The following CHRDL1 variants were observed in gnomAD, a reference collection of about 807,000 sequenced individuals.
CHRDL1 encodes chordin like 1, also known as chordin-like protein 1.
A neutral mutation model predicts 40.9 loss-of-function variants in CHRDL1; 19 were observed. The ratio of observed to expected loss-of-function variants is 0.46; its 90% CI spans 0.32 to 0.68. The LOEUF (loss-of-function observed/expected upper bound fraction) is 0.68, where lower values mean the gene tolerates loss of function less well. CHRDL1 is among the 30% of genes least tolerant of loss of function. The pLI is 0.03. For missense variants in CHRDL1, 329 were observed against 352.1 expected (o/e 0.93, Z 0.53); for synonymous variants, 136 against 123.4 (o/e 1.10, Z -0.68).
At chrX:110,704,996 A>AT (rs1401908896) in intron 6 of CHRDL1, among the ~76,000 whole-genome samples, 1 of 110,388 alleles carries the variant, frequency 9.1e-6, no homozygotes, top group Non-Finnish European at 1.9e-5. Context: ...AGTTTATTTA[A>AT]TTTATACCCT....
At chrX:110,730,056 C>T (rs779548693) in intron 4 of CHRDL1, among the ~76,000 whole-genome samples, 12 of 111,829 alleles carry the variant, frequency 1.1e-4, no homozygotes, top group African/African-American at 3.6e-4. Flanking sequence ...TTACAGTGGC[C>T]ATCCTCTTAC....
intron 5 of CHRDL1, among the ~76,000 whole-genome samples, chrX:110,720,901 T>G (rs1383594259): frequency 2.7e-5 from 3 of 111,933 alleles, no homozygotes; most frequent in Non-Finnish European, 5.6e-5. Flanking sequence ...ACCAAGCATT[T>G]ATAGAGAGTT....
rs188480028 is a variant in CHRDL1, at chrX:110,708,523, G to T, written c.542-7802C>A. Among the ~76,000 whole-genome samples the T allele has an allele frequency of 1.8e-4, 20 of 111,458 alleles. No individual in the cohort carries two copies. In the East Asian group the frequency reaches 5.6e-3, roughly 31 times the overall value. ...TCTTTGTCAAATGAAGTACTTTATT[G>T]TTTGGGCTGTCAATATAAGATCTTA... On this transcript the variant is annotated intron_variant, in intron 6 of 11. Coordinates refer to ENST00000372042, the MANE Select transcript of CHRDL1 (RefSeq NM_001143981.2).
At chrX:110,732,485 A>G (rs1406366817) in intron 4 of CHRDL1, among the ~76,000 whole-genome samples, 1 of 112,214 alleles carries the variant, frequency 8.9e-6, no homozygotes, top group Non-Finnish European at 1.9e-5. Flanking sequence ...GAGAGGAAAC[A>G]GTCATCTGCT....
chrX:110,753,247 A>G (rs1279571229), intron 4 of CHRDL1, among the ~76,000 whole-genome samples: 2 of 112,279 alleles, frequency 1.8e-5, no homozygotes, highest in African/African-American at 3.2e-5. Flanking sequence ...ATACTGATAC[A>G]TGCTACAACA....
intron 1 of CHRDL1, among the ~76,000 whole-genome samples, chrX:110,793,112 A>G (rs1602439250): frequency 8.9e-6 from 1 of 112,378 alleles, no homozygotes; most frequent in South Asian, 3.7e-4. Context: ...CCAATGGGTG[A>G]TCTGAAAATA....
At position 110,676,376 on chromosome X, in the gene CHRDL1, A is replaced by G; in HGVS notation, c.1247-15T>C. On this transcript the variant is annotated splice_polypyrimidine_tract_variant and intron_variant, in intron 11 of 11. Transcript: ENST00000372042. Reference sequence around the variant, plus strand: ...CTTCCACTGGCCTAAAAGGCAAACAAACGCAAAGTGGCCGGGAGTGTGTAA... The same window carrying G: ...CTTCCACTGGCCTAAAAGGCAAACAGACGCAAAGTGGCCGGGAGTGTGTAA... 8.3e-7 allele frequency: 1 copy of G among 1,209,281 alleles called. No individual in the cohort carries two copies. The highest frequency in any genetic ancestry group is 1.1e-6 in the Non-Finnish European group (1 of 893,786).
At chrX:110,749,010 A>T (rs1171394351) in intron 4 of CHRDL1, among the ~76,000 whole-genome samples, 1 of 111,784 alleles carries the variant, frequency 8.9e-6, no homozygotes, top group Non-Finnish European at 1.9e-5. Context: ...TTAAACAAAA[A>T]AGAGAATGAA....
At chrX:110,783,411 A>G (rs1304594067) in intron 2 of CHRDL1, among the ~76,000 whole-genome samples, 1 of 112,611 alleles carries the variant, frequency 8.9e-6, no homozygotes, top group Non-Finnish European at 1.9e-5. Flanking sequence ...TTCACCATGA[A>G]CACATTGGAC....
intron 8 of CHRDL1, among the ~76,000 whole-genome samples, chrX:110,692,309 T>C (rs1254425135): frequency 1.8e-5 from 2 of 111,696 alleles, no homozygotes; most frequent in East Asian, 2.8e-4. Context: ...ATCGAGATGA[T>C]TTTGAATCAT....
At chrX:110,705,594 G>A (rs1312469940) in intron 6 of CHRDL1, among the ~76,000 whole-genome samples, 2 of 104,251 alleles carry the variant, frequency 1.9e-5, no homozygotes, top group Non-Finnish European at 3.9e-5. Flanking sequence ...AAGTTTTTGA[G>A]TGCTGATGAT....
At chrX:110,711,705 A>C (rs1221166874) in intron 6 of CHRDL1, among the ~76,000 whole-genome samples, 3 of 111,954 alleles carry the variant, frequency 2.7e-5, no homozygotes, top group Non-Finnish European at 5.6e-5. Context: ...AAAATCAATG[A>C]AGTATCTCAC....
At chrX:110,758,484 A>G (rs1569479936) in intron 4 of CHRDL1, among the ~76,000 whole-genome samples, 1 of 111,542 alleles carries the variant, frequency 9.0e-6, no homozygotes, top group Non-Finnish European at 1.9e-5. Context: ...AGGAAAATAT[A>G]TTTTATAAAG....
chrX:110,788,605 C>T (rs2090051472), intron 2 of CHRDL1, among the ~76,000 whole-genome samples: 1 of 112,104 alleles, frequency 8.9e-6, no homozygotes, highest in Non-Finnish European at 1.9e-5. Context: ...TTTCCAGTTG[C>T]TTTCCTTTTT....
At chrX:110,684,044 G>A (rs1055652312) in intron 9 of CHRDL1, among the ~76,000 whole-genome samples, 5 of 111,128 alleles carry the variant, frequency 4.5e-5, no homozygotes, top group Admixed American at 2.9e-4. Flanking sequence ...CTTAAATCTG[G>A]TGCCTTCCCT....
chrX:110,746,071 T>C (rs183902302), intron 4 of CHRDL1, among the ~76,000 whole-genome samples: 1 of 111,812 alleles, frequency 8.9e-6, no homozygotes, highest in African/African-American at 3.2e-5. Context: ...AACAAAACAG[T>C]TCCCAGACAT....
At chrX:110,747,647 A>G (rs1462315372) in intron 4 of CHRDL1, among the ~76,000 whole-genome samples, 2 of 112,413 alleles carry the variant, frequency 1.8e-5, no homozygotes, top group African/African-American at 6.5e-5. Flanking sequence ...CATACGTACA[A>G]CATAAATGTA....
intron 8 of CHRDL1, among the ~76,000 whole-genome samples, chrX:110,689,895 CTATATATATCTATA>C (rs2070209896): frequency 4.0e-5 from 1 of 25,084 alleles, no homozygotes; most frequent in Non-Finnish European, 7.1e-5. Flanking sequence ...ATCTATATAT[CTATATATATCTATA>C]TATCTATATA....
intron 4 of CHRDL1, among the ~76,000 whole-genome samples, chrX:110,748,292 C>CT (rs769008431): frequency 1.2e-4 from 14 of 112,169 alleles, no homozygotes; most frequent in South Asian, 1.1e-3. Flanking sequence ...AGAAGAGGCC[C>CT]TTTTGGAAAA....
Sources: allele counts gnomAD v4.1 joint callset (sites outside exome capture counted in the v4.1 genomes callset), GRCh38; gene constraint gnomAD v4.1.1; transcripts MANE v1.5; gene names NCBI Gene and HGNC (gene_info 2026-07-23, HGNC 2026-07-21).